PLD5: variants seen among roughly 807,000 people sequenced by gnomAD.
PLD5 encodes phospholipase D family member 5, also known as inactive phospholipase D5.
PLD5 carries 36 observed loss-of-function variants against 61.1 expected under a neutral mutation model. That is an observed-to-expected ratio of 0.59 (90% confidence interval 0.45 to 0.78). PLD5 has a LOEUF of 0.78. PLD5 is among the 30% of genes least tolerant of loss of function. The pLI is 0.00. For synonymous variants in PLD5, 243 were observed against 242.8 expected (o/e 1.00, Z -0.01); for missense variants, 515 against 644.4 (o/e 0.80, Z 2.17).
At chr1:242,512,865 T>C (rs1243115488) in intron 1 of PLD5, among the ~76,000 whole-genome samples, 2 of 65,194 alleles carry the variant, frequency 3.1e-5, no homozygotes, top group Non-Finnish European at 7.2e-5. Context: ...CTGAATTCTT[T>C]TTTATTTTTT....
At chr1:242,349,809 G>T (rs1660370966) in intron 1 of PLD5, among the ~76,000 whole-genome samples, 1 of 152,158 alleles carries the variant, frequency 6.6e-6, no homozygotes, top group East Asian at 1.9e-4. Flanking sequence ...TAACCTCCAA[G>T]GTGATGATAT....
intron 1 of PLD5, among the ~76,000 whole-genome samples, chr1:242,379,119 C>G (rs1293257234): frequency 6.6e-6 from 1 of 152,152 alleles, no homozygotes; most frequent in Non-Finnish European, 1.5e-5. Context: ...CTTAATATAT[C>G]TGTCCAGCAG....
intron 5 of PLD5, among the ~76,000 whole-genome samples, chr1:242,137,437 CT>C (rs1663823742): frequency 6.6e-6 from 1 of 152,192 alleles, no homozygotes; most frequent in Non-Finnish European, 1.5e-5. Flanking sequence ...TCCCATGCTA[CT>C]AGCTCCAGAT....
At position 242,089,873 on chromosome 1, in the gene PLD5, T is replaced by C. The variant is rs775052366; in HGVS notation, c.1592A>G (p.Lys531Arg). 1.2e-6 allele frequency: 2 copies of C among 1,614,134 alleles called. No individual in the cohort carries two copies. The highest frequency in any genetic ancestry group is 2.7e-5 in the African/African-American group (2 of 74,956). The change falls in exon 10 of 10, where the codon AAG (lysine) becomes AGG (arginine). Residue 531 changes from lysine to arginine, a missense_variant. By Grantham distance (26) the Lys-to-Arg change is conservative. Coordinates refer to ENST00000536534, the MANE Select transcript of PLD5 (RefSeq NM_001372062.1). ...NKTATDDTGG[K>R]DPRNV is the part of the protein sequence containing the mutation. ...ATCATGTTATACGTTCCGGGGATCC[T>C]TTCCGCCTGTGTCGTCTGTGGCAGT... is the stretch of plus-strand genomic sequence containing the variant.
intron 2 of PLD5, among the ~76,000 whole-genome samples, chr1:242,327,353 T>A (rs1658863113): frequency 6.6e-6 from 1 of 152,176 alleles, no homozygotes; most frequent in East Asian, 1.9e-4. Flanking sequence ...ACTGCATAGC[T>A]CATTTGGTGG....
intron 3 of PLD5, among the ~76,000 whole-genome samples, chr1:242,281,896 T>A (rs765314351): frequency 4.6e-5 from 7 of 152,160 alleles, no homozygotes; most frequent in South Asian, 2.1e-4. Context: ...GATTTATAAT[T>A]AATAAATCAA....
At position 242,265,374 on chromosome 1, in the gene PLD5, T is replaced by C. The variant is rs191240063; in HGVS notation, c.570A>G (p.Thr190=). Residue 190 remains threonine (T), a synonymous_variant, in exon 4 of 10, where the codon ACA becomes ACG. Transcript: ENST00000536534. ...AGGCTTCTAATACCTTTGAATCAGC[T>C]GTTACATCACTCACTAGCTTGATTT... ...NIEIKLVSDV[T]ADSKVLEALK... 1 of 1,612,850 alleles carries C rather than the reference T, an allele frequency of 6.2e-7. No homozygotes were observed. Among genetic ancestry groups the C allele is most frequent in the Admixed American group, 1.7e-5 (1 of 59,844 alleles).
At chr1:242,112,330 T>TA (rs1558233015) in intron 7 of PLD5, among the ~76,000 whole-genome samples, 2,063 of 61,556 alleles carry the variant, frequency 0.034, 68 homozygotes, top group African/African-American at 0.14. Flanking sequence ...TGTGTATGTA[T>TA]GTATATGTGT....
intron 1 of PLD5, among the ~76,000 whole-genome samples, chr1:242,475,751 A>G (rs1455450110): frequency 1.3e-5 from 2 of 152,136 alleles, no homozygotes; most frequent in African/African-American, 4.8e-5. Context: ...ATTAAGTTAT[A>G]ATGAGGAAAT....
intron 2 of PLD5, among the ~76,000 whole-genome samples, chr1:242,328,034 C>G (rs1658904933): frequency 6.6e-6 from 1 of 152,054 alleles, no homozygotes; most frequent in African/African-American, 2.4e-5. Flanking sequence ...ATGGTTGCAC[C>G]ACCGCACTCC....
At chr1:242,321,859 T>C (rs1658435991) in intron 2 of PLD5, among the ~76,000 whole-genome samples, 1 of 152,168 alleles carries the variant, frequency 6.6e-6, no homozygotes, top group African/African-American at 2.4e-5. Flanking sequence ...TAAATAATCC[T>C]TTAGAGGGTG....
At chr1:242,471,801 G>T (rs1667455537) in intron 1 of PLD5, among the ~76,000 whole-genome samples, 1 of 152,114 alleles carries the variant, frequency 6.6e-6, no homozygotes, top group Admixed American at 6.6e-5. Flanking sequence ...GAACTTTGAA[G>T]CCAATCAAGT....
intron 5 of PLD5, among the ~76,000 whole-genome samples, chr1:242,191,789 T>G (rs1668302303): frequency 7.3e-6 from 1 of 137,302 alleles, no homozygotes; most frequent in African/African-American, 2.8e-5. Context: ...GGAGAAAGAG[T>G]AACTGAGAGG....
Position 242,319,733 on chromosome 1 carries a change from G to A in PLD5, c.326+28373C>T, listed in dbSNP as rs187849614. ...TGAAAAGTCATCTCTCCACTCACCC[G>A]AGACAAATGCCTATCTTACTGCCTC... On this transcript the variant is annotated intron_variant, in intron 2 of 9. Transcript: ENST00000536534. Among the ~76,000 whole-genome samples the A allele has an allele frequency of 1.3e-3, 204 of 152,252 alleles. 1 individual carries two copies. Among genetic ancestry groups the A allele is most frequent in the South Asian group, 2.9e-3 (14 of 4,816 alleles).
intron 5 of PLD5, among the ~76,000 whole-genome samples, chr1:242,180,084 A>G (rs996727129): frequency 3.3e-5 from 5 of 152,156 alleles, no homozygotes; most frequent in African/African-American, 1.2e-4. Flanking sequence ...ATGCTTATGC[A>G]GGGTAGTGAG....
intron 5 of PLD5, among the ~76,000 whole-genome samples, chr1:242,182,013 T>A (rs918817222): frequency 6.6e-6 from 1 of 152,216 alleles, no homozygotes; most frequent in Non-Finnish European, 1.5e-5. Flanking sequence ...ACCCACAGTC[T>A]ATACAATCTT....
intron 1 of PLD5, among the ~76,000 whole-genome samples, chr1:242,452,570 C>T (rs759984680): frequency 6.6e-6 from 1 of 152,278 alleles, no homozygotes; most frequent in Admixed American, 6.5e-5. Flanking sequence ...AATCCTAGCA[C>T]TTTAGGAAGC....
intron 5 of PLD5, among the ~76,000 whole-genome samples, chr1:242,128,953 G>A (rs946090981): frequency 2.6e-5 from 4 of 152,166 alleles, no homozygotes; most frequent in Admixed American, 1.3e-4. Context: ...AAATTGGGAA[G>A]AGGAACATAA....
intron 1 of PLD5, among the ~76,000 whole-genome samples, chr1:242,482,704 A>G (rs1327886320): frequency 6.6e-6 from 1 of 152,042 alleles, no homozygotes; most frequent in Non-Finnish European, 1.5e-5. Context: ...GGAAATACAG[A>G]GAATGCCACA....
Sources: allele counts gnomAD v4.1 joint callset (sites outside exome capture counted in the v4.1 genomes callset), GRCh38; gene constraint gnomAD v4.1.1; transcripts MANE v1.5; gene names NCBI Gene and HGNC (gene_info 2026-07-23, HGNC 2026-07-21).